The following CD8B variants were observed in gnomAD, a reference collection of about 807,000 sequenced individuals.
The protein encoded by CD8B is CD8 subunit beta.
Under a neutral mutation model 24.2 loss-of-function variants are expected in CD8B, and 6 were observed. The observed-to-expected ratio is 0.25, with a 90% CI of 0.14 to 0.49. The LOEUF (loss-of-function observed/expected upper bound fraction) is 0.49, where lower values mean the gene tolerates loss of function less well. CD8B is among the 20% of genes least tolerant of loss of function. The pLI, the probability that CD8B is intolerant of heterozygous loss-of-function variation, is 0.98. For synonymous variants in CD8B, 84 were observed against 108.3 expected (o/e 0.78, Z 1.39); for missense variants, 196 against 271.3 (o/e 0.72, Z 1.95).
At chr2:86,860,597 G>A (rs947188849) in intron 1 of CD8B, among the ~76,000 whole-genome samples, 3 of 152,170 alleles carry the variant, frequency 2.0e-5, no homozygotes, top group Non-Finnish European at 2.9e-5. Flanking sequence ...ATGTGCTCAA[G>A]GTCACACAGT....
chr2:86,822,305 A>G (rs1022485488), intron 5 of CD8B: 3 of 1,476,280 alleles, frequency 2.0e-6, no homozygotes, highest in Admixed American at 3.7e-5. Context: ...ATCAGAAGCT[A>G]TCAAAATGTT....
In CD8B at chr2:86,841,493, T is replaced by C. The variant is rs1034780300; in HGVS notation, c.*814A>G. ...GGATCTCAGGTGCAAAAGGAGGATG[T>C]ACAAATTTTCTCCTTCTGGTTTCTG... is the stretch of plus-strand genomic sequence containing the variant. On this transcript the variant is annotated 3_prime_UTR_variant, in exon 6 of 6. Coordinates refer to ENST00000390655, the MANE Select transcript of CD8B (RefSeq NM_004931.5). 8 of 634,116 alleles carry C rather than the reference T, an allele frequency of 1.3e-5. No individual in the cohort carries two copies. Among genetic ancestry groups the C allele is most frequent in the Admixed American group, 6.3e-5 (1 of 15,820 alleles). The allele number at this position is 634,116 out of a possible 1,614,324, so 39.3% of individuals were successfully genotyped here.
intron 5 of CD8B, among the ~76,000 whole-genome samples, chr2:86,832,469 C>G (rs940384910): frequency 7.0e-6 from 1 of 143,176 alleles, no homozygotes; most frequent in Non-Finnish European, 1.5e-5. Context: ...CAGAGTGAGA[C>G]TCGATCTCAA....
At chr2:86,848,699 A>T (rs866351417) in intron 3 of CD8B, among the ~76,000 whole-genome samples, 71 of 14,414 alleles carry the variant, frequency 4.9e-3, no homozygotes, top group African/African-American at 0.012. Context: ...TGGTATTTTT[A>T]AATTATTTAT....
intron 5 of CD8B, chr2:86,832,957 C>A (rs1360865849): frequency 5.3e-6 from 1 of 187,642 alleles, no homozygotes; most frequent in Non-Finnish European, 1.0e-5. Flanking sequence ...CTCCTCCCCT[C>A]CCCTCTCCTC....
chr2:86,849,941 T>A (rs916645637), intron 3 of CD8B, among the ~76,000 whole-genome samples: 1 of 152,110 alleles, frequency 6.6e-6, no homozygotes, highest in Non-Finnish European at 1.5e-5. Context: ...TGACCTCAGG[T>A]TATCCACCAG....
intron 5 of CD8B, among the ~76,000 whole-genome samples, chr2:86,824,531 A>G (rs1008781429): frequency 6.6e-6 from 1 of 152,196 alleles, no homozygotes; most frequent in East Asian, 1.9e-4. Context: ...TGAGCAGATG[A>G]AAAGAGAAAA....
intron 5 of CD8B, among the ~76,000 whole-genome samples, chr2:86,831,739 G>T (rs1041867703): frequency 5.3e-5 from 8 of 152,188 alleles, no homozygotes; most frequent in African/African-American, 1.9e-4. Flanking sequence ...GCCCCAGGGA[G>T]ACACGGGTGG....
intron 5 of CD8B, among the ~76,000 whole-genome samples, chr2:86,826,065 G>C (rs1674675869): frequency 6.6e-6 from 1 of 152,144 alleles, no homozygotes; most frequent in African/African-American, 2.4e-5. Context: ...CGTGTTTGCA[G>C]GCGGTTTTTT....
chr2:86,822,235 G>GA (rs373630399), intron 5 of CD8B: 33,995 of 547,990 alleles, frequency 0.062, no homozygotes, highest in East Asian at 0.076. Context: ...ACCCCAGCAG[G>GA]AAAAAAAAAA....
intron 5 of CD8B, among the ~76,000 whole-genome samples, chr2:86,822,151 G>T (rs1327096788): frequency 6.6e-6 from 1 of 151,822 alleles, no homozygotes; most frequent in Non-Finnish European, 1.5e-5. Context: ...TAGCTCTTGG[G>T]AAAAAGGGTT....
intron 3 of CD8B, among the ~76,000 whole-genome samples, chr2:86,848,216 G>A (rs376931069): frequency 4.6e-5 from 7 of 152,156 alleles, no homozygotes; most frequent in Admixed American, 1.3e-4. Context: ...CCTAAAAGGC[G>A]GCACTGACTT....
chr2:86,830,709 C>T (rs1447481470), intron 5 of CD8B, among the ~76,000 whole-genome samples: 1 of 152,034 alleles, frequency 6.6e-6, no homozygotes, highest in Non-Finnish European at 1.5e-5. Context: ...CAAATTGCCC[C>T]TCAGAATGGT....
Position 86,841,913 on chromosome 2 carries a change from A to G in CD8B, c.*394T>C. 1 of 996,136 alleles carries G rather than the reference A, an allele frequency of 1.0e-6. No homozygotes were observed. The highest frequency in any genetic ancestry group is 1.2e-6 in the Non-Finnish European group (1 of 837,274). The allele number at this position is 996,136 out of a possible 1,614,324, so 61.7% of individuals were successfully genotyped here. On this transcript the variant is annotated 3_prime_UTR_variant, in exon 6 of 6. Coordinates refer to ENST00000390655, the MANE Select transcript of CD8B (RefSeq NM_004931.5). ...GAGGGAGCCAGCCCAGCATCACCCC[A>G]TGAAAGACCCAGGACCCAATGTTAC... is the stretch of plus-strand genomic sequence containing the variant.
intron 5 of CD8B, among the ~76,000 whole-genome samples, chr2:86,831,044 C>T (rs189877318): frequency 3.9e-5 from 6 of 152,166 alleles, no homozygotes; most frequent in South Asian, 2.1e-4. Context: ...CCAATTGTCT[C>T]GGCACTCTTT....
intron 2 of CD8B, among the ~76,000 whole-genome samples, chr2:86,854,502 G>A (rs915911879): frequency 6.6e-6 from 1 of 152,182 alleles, no homozygotes; most frequent in Admixed American, 6.5e-5. Context: ...GCCCCAAGTG[G>A]TGAGTGCTGT....
At chr2:86,837,069 A>T (rs187465031), downstream of CD8B, among the ~76,000 whole-genome samples, 1 of 152,238 alleles carries the variant, frequency 6.6e-6, no homozygotes, top group Admixed American at 6.5e-5. Flanking sequence ...AGGTGCAAGG[A>T]TCGCTTGAGC....
rs376413559 is a variant in CD8B at position 86,844,883 on chromosome 2, G to A, written c.620+39C>T. On this transcript the variant is annotated intron_variant, in intron 5 of 5. Coordinates refer to ENST00000390655, the MANE Select transcript of CD8B (RefSeq NM_004931.5). ...TTAGAGGCTGCAAGCTGCAGCAGGG[G>A]CTGAGGAACCCAAGGCCACACCCAG... The A allele has an allele frequency of 2.6e-6, 4 of 1,556,312 alleles. No homozygotes were observed. The African/African-American group carries it at 5.5e-5, about 21-fold the overall frequency.
At chr2:86,832,109 C>G (rs748687944) in intron 5 of CD8B, among the ~76,000 whole-genome samples, 2 of 152,190 alleles carry the variant, frequency 1.3e-5, no homozygotes, top group African/African-American at 4.8e-5. Flanking sequence ...CACACTCTAT[C>G]TGGGGTGGTG....
Sources: gnomAD v4.1 joint callset for allele counts (sites outside exome capture counted in the v4.1 genomes callset) on GRCh38, gnomAD v4.1.1 for gene constraint, MANE v1.5 for transcripts, NCBI Gene and HGNC (gene_info 2026-07-23, HGNC 2026-07-21) for gene names.